The following DGKA variants were observed in gnomAD, a reference collection of about 807,000 sequenced individuals.
DGKA encodes the protein 80 kDa diacylglycerol kinase.
Under a neutral mutation model 105.0 loss-of-function variants are expected in DGKA, and 35 were observed. The ratio of observed to expected loss-of-function variants is 0.33; its 90% CI spans 0.25 to 0.44. The LOEUF is 0.44. Among genes scored for constraint, DGKA ranks in the 20% least tolerant of loss-of-function variants. The probability of loss-of-function intolerance (pLI) is 1.00; values close to 1 mark genes in which losing one functional copy is unlikely to be tolerated. For missense variants in DGKA, 665 were observed against 915.0 expected (o/e 0.73, Z 3.53); for synonymous variants, 296 against 332.0 (o/e 0.89, Z 1.18).
chr12:55,947,048 C>T (rs956049169), intron 17 of DGKA, among the ~76,000 whole-genome samples: 3 of 147,068 alleles, frequency 2.0e-5, no homozygotes, highest in Non-Finnish European at 3.0e-5. Context: ...TGCAATGGCG[C>T]GATCTCGGCT....
chr12:55,935,931 G>T, intron 1 of DGKA: 1 of 986,558 alleles, frequency 1.0e-6, no homozygotes, highest in Non-Finnish European at 1.2e-6. Context: ...ACAAAATGGG[G>T]TCATGGCCAG....
chr12:55,948,225 C>A (rs1328551507), intron 17 of DGKA, among the ~76,000 whole-genome samples: 2 of 149,558 alleles, frequency 1.3e-5, no homozygotes, highest in Admixed American at 6.7e-5. Context: ...AATGGTGAAA[C>A]CCCGTCTCTA....
At chr12:55,928,695 A>C (rs1194636299), upstream of DGKA, among the ~76,000 whole-genome samples, 12 of 150,282 alleles carry the variant, frequency 8.0e-5, no homozygotes, top group Non-Finnish European at 1.5e-4. Context: ...AAAAAAAAAA[A>C]AAAAAAAAAA....
At position 55,947,813 on chromosome 12, in the gene DGKA, G is replaced by A. The variant is rs538623718; in HGVS notation, c.1427-3810G>A. On this transcript the variant is annotated intron_variant, in intron 17 of 23. Coordinates refer to ENST00000331886, the MANE Select transcript of DGKA (RefSeq NM_001345.5). ...TTTATTTTATTTATTTTTTTGAGAC[G>A]GAGTTCCACTCCTGTTACCCAGGCT... Among the ~76,000 whole-genome samples the A allele has an allele frequency of 1.6e-4, 25 of 151,950 alleles. 1 individual carries two copies. The highest frequency in any genetic ancestry group is 1.5e-3 in the South Asian group (7 of 4,814).
chr12:55,940,645 G>T lies in DGKA; in HGVS notation c.940G>T (p.Ala314Ser). The T allele has an allele frequency of 6.3e-7, 1 of 1,587,120 alleles. No individual in the cohort carries two copies. Among genetic ancestry groups the T allele is most frequent in the Non-Finnish European group, 8.6e-7 (1 of 1,169,326 alleles). The change falls in exon 12 of 24, where the codon GCG (alanine) becomes TCG (serine). Residue 314 changes from alanine (A) to serine (S), a missense_variant. Coordinates refer to ENST00000331886, the MANE Select transcript of DGKA (RefSeq NM_001345.5). The surrounding 1 kb of genome is among the most constrained non-coding windows in gnomAD (Gnocchi z 4.3). ...TCAGATCCACGATGACTGCCTGCAAGCGGTGGGCCATGAGTGTGACTGTGG... is the reference window on the plus strand; with the variant it reads ...TCAGATCCACGATGACTGCCTGCAATCGGTGGGCCATGAGTGTGACTGTGG... ...HLEIHDDCLQ[A>S]VGHECDCGLL...
intron 17 of DGKA, among the ~76,000 whole-genome samples, chr12:55,947,142 C>T (rs987079481): frequency 1.3e-5 from 2 of 151,862 alleles, no homozygotes; most frequent in African/African-American, 2.4e-5. Context: ...TGTGCCACCA[C>T]GCCCAGCTAA....
Position 55,933,797 on chromosome 12 carries a change from T to C in DGKA, c.-82+2453T>C, listed in dbSNP as rs1046472564. Reference sequence around the variant, plus strand: ...ACTGATGCTAGCAGTCCCTGAAATTTATGCCTTCCTGGTTCAAAGACATCA... The same window carrying C: ...ACTGATGCTAGCAGTCCCTGAAATTCATGCCTTCCTGGTTCAAAGACATCA... On this transcript the variant is annotated intron_variant, in intron 1 of 23. Transcript: ENST00000331886. Among the ~76,000 whole-genome samples the C allele has an allele frequency of 5.3e-5, 8 of 152,208 alleles. No homozygotes were observed. In the East Asian group the frequency reaches 1.5e-3, roughly 29 times the overall value.
At chr12:55,927,447 A>G (rs140770226), upstream of DGKA, 1 of 698,400 alleles carries the variant, frequency 1.4e-6, no homozygotes, top group East Asian at 2.7e-5. Context: ...CGCAAGGCCC[A>G]CCTGCACCCA....
rs2136416096 is a variant in DGKA at position 55,952,177 on chromosome 12, CAGA to C, written c.1652+83_1652+85del. 1.3e-6 allele frequency: 2 copies of C among 1,586,644 alleles called. No homozygotes were observed. The highest frequency in any genetic ancestry group is 8.7e-7 in the Non-Finnish European group (1 of 1,155,588). On this transcript the variant is annotated intron_variant, in intron 19 of 23. Transcript: ENST00000331886. This position sits in a 1 kb window ranked among gnomAD's most constrained non-coding sequence, Gnocchi z 5.1. ...TTGACCAAGTTTGACTCAGATTGCT[CAGA>C]AGAACAGTGGCACCTCTAGGAGGTC...
chr12:55,940,009 C>T lies in DGKA; in HGVS notation c.710-73C>T. The T allele has an allele frequency of 7.4e-7, 1 of 1,355,198 alleles. No individual in the cohort carries two copies. Among genetic ancestry groups the T allele is most frequent in the Non-Finnish European group, 1.1e-6 (1 of 947,782 alleles). The allele number at this position is 1,355,198 out of a possible 1,614,324, so 83.9% of individuals were successfully genotyped here. On this transcript the variant is annotated intron_variant, in intron 9 of 23. Transcript: ENST00000331886. This position sits in a 1 kb window ranked among gnomAD's most constrained non-coding sequence, Gnocchi z 4.3. The stretch of plus-strand genomic sequence containing the variant: ...GCAAGGGATCACATATCTGATCCTG[C>T]CTCACCCTCAGGTAAGAAGGAAATA...
chr12:55,953,512 C>A, intron 23 of DGKA, 102 bp downstream of exon 23: 1 of 1,371,678 alleles, frequency 7.3e-7, no homozygotes, highest in Non-Finnish European at 1.0e-6. Flanking sequence ...CCTGAACTTC[C>A]CCTGCACATC....
In DGKA at chr12:55,953,691, A is replaced by G; in HGVS notation, c.2131A>G (p.Ile711Val). 2 of 1,613,924 alleles carry G rather than the reference A, an allele frequency of 1.2e-6. No individual in the cohort carries two copies. Among genetic ancestry groups the G allele is most frequent in the Non-Finnish European group, 1.7e-6 (2 of 1,179,974 alleles). ...GTGCTCCCTTCCCTTCCAGATCAAG[A>G]TCACCCACAAGAACCAGATGCCCAT... is the stretch of plus-strand genomic sequence containing the variant. ...PWMQTPCTIKITHKNQMPMLM... is the reference protein window; with the variant it reads ...PWMQTPCTIKVTHKNQMPMLM... Residue 711 changes from isoleucine (I) to valine (V), a missense_variant, in exon 24 of 24, where the codon ATC (isoleucine) becomes GTC (valine). Physicochemically the swap from Ile to Val is conservative, Grantham distance 29. Coordinates refer to ENST00000331886, the MANE Select transcript of DGKA (RefSeq NM_001345.5).
At chr12:55,930,690 G>A (rs1883490707), upstream of DGKA, 1 of 152,152 alleles carries the variant, frequency 6.6e-6, no homozygotes, top group Admixed American at 6.6e-5. Flanking sequence ...TTTTATGATT[G>A]GGGGTGAGAG....
chr12:55,934,260 G>A (rs1884217832), intron 1 of DGKA, among the ~76,000 whole-genome samples: 1 of 152,104 alleles, frequency 6.6e-6, no homozygotes, highest in African/African-American at 2.4e-5. Flanking sequence ...CCATTTCCTA[G>A]AACTTTGGAG....
intron 3 of DGKA, 123 bp from the exon 4 acceptor site, chr12:55,937,285 C>T (rs1262776347): frequency 2.3e-5 from 30 of 1,304,214 alleles, no homozygotes; most frequent in Non-Finnish European, 3.0e-5. Flanking sequence ...TCAAAGAAAC[C>T]ATACTCCTGC....
upstream of DGKA, among the ~76,000 whole-genome samples, chr12:55,929,946 T>C (rs545445871): frequency 2.0e-5 from 3 of 152,298 alleles, no homozygotes; most frequent in African/African-American, 4.8e-5. Context: ...CTAAAGACGA[T>C]AGAGTGAGAA....
rs753986810 is a variant in DGKA, at chr12:55,940,473, C to G, written c.918+40C>G. The G allele has an allele frequency of 1.2e-6, 2 of 1,608,528 alleles. No homozygotes were observed. The highest frequency in any genetic ancestry group is 1.7e-6 in the Non-Finnish European group (2 of 1,176,894). ...CATCCCTTCTGGGTGCGTCTTACCC[C>G]GCAGAGCTGCCTTCTCCACGGGCCT... On this transcript the variant is annotated intron_variant, in intron 11 of 23. Coordinates refer to ENST00000331886, the MANE Select transcript of DGKA (RefSeq NM_001345.5). The surrounding 1 kb of genome is among the most constrained non-coding windows in gnomAD (Gnocchi z 4.3).
upstream of DGKA, chr12:55,927,699 G>C: frequency 6.5e-7 from 1 of 1,539,430 alleles, no homozygotes; most frequent in South Asian, 1.2e-5. Flanking sequence ...GGGCGTGCAA[G>C]GCGGAGGGCG....
intron 22 of DGKA, 72 bp downstream of exon 22, chr12:55,953,232 T>C: frequency 6.2e-7 from 1 of 1,611,374 alleles, no homozygotes; most frequent in Non-Finnish European, 8.5e-7. Flanking sequence ...ATGGGAATGG[T>C]GGGGAGGGGC....
Sources: allele counts gnomAD v4.1 joint callset (sites outside exome capture counted in the v4.1 genomes callset), GRCh38; gene constraint gnomAD v4.1.1; non-coding constraint Gnocchi (gnomAD v3.1); transcripts MANE v1.5; gene names NCBI Gene and HGNC (gene_info 2026-07-23, HGNC 2026-07-21).